The following USP53 variants were observed in gnomAD, a reference collection of about 807,000 sequenced individuals.
USP53 encodes the protein ubiquitin carboxyl-terminal hydrolase 53.
USP53 carries 71 observed loss-of-function variants against 94.9 expected under a neutral mutation model. That is an observed-to-expected ratio of 0.75 (90% CI 0.62 to 0.91). The LOEUF (loss-of-function observed/expected upper bound fraction) is 0.91, where lower values mean the gene tolerates loss of function less well. Among genes scored for constraint, USP53 ranks in the 40% least tolerant of loss-of-function variants. USP53 has a pLI of 0.00. For synonymous variants in USP53, 375 were observed against 422.7 expected (o/e 0.89, Z 1.39); for missense variants, 1,173 against 1,281.0 (o/e 0.92, Z 1.29).
intron 3 of USP53, among the ~76,000 whole-genome samples, chr4:119,232,926 T>C (rs1746254832): frequency 6.6e-6 from 1 of 152,166 alleles, no homozygotes; most frequent in African/African-American, 2.4e-5. Context: ...AATTTAACTT[T>C]GAATTTGTCT....
chr4:119,293,506 A>G lies in USP53; in HGVS notation c.*295A>G, dbSNP rs1434722158. On this transcript the variant is annotated 3_prime_UTR_variant, in exon 19 of 19. Coordinates refer to ENST00000692078, the MANE Select transcript of USP53 (RefSeq NM_001371395.1). ...TTAGATATTTTAGAAATTCCCTTTG[A>G]ATAGTCTTGGCGTGCCGTGAAAAAT... 1 of 238,112 alleles carries G rather than the reference A, an allele frequency of 4.2e-6. No individual in the cohort carries two copies. Among genetic ancestry groups the G allele is most frequent in the Admixed American group, 5.2e-5 (1 of 19,410 alleles). 14.7% of individuals were successfully genotyped at this position (238,112 alleles called of 1,614,324 possible).
chr4:119,288,874 G>C (rs1029416582), intron 17 of USP53, among the ~76,000 whole-genome samples: 1 of 150,190 alleles, frequency 6.7e-6, no homozygotes, highest in Non-Finnish European at 1.5e-5. Context: ...GGAGGCGGAG[G>C]TTGCAGTGAG....
upstream of USP53, chr4:119,212,668 C>T (rs1223877855): frequency 8.6e-6 from 3 of 349,828 alleles, no homozygotes; most frequent in Non-Finnish European, 1.7e-5. Context: ...ATGCTCCGCT[C>T]ACAGGGTCGG....
At position 119,293,943 on chromosome 4, in the gene USP53, C is replaced by T. The variant is rs982181894; in HGVS notation, c.*732C>T. The T allele has an allele frequency of 1.3e-5, 2 of 152,016 alleles. No individual in the cohort carries two copies. The highest frequency in any genetic ancestry group is 4.8e-5 in the African/African-American group (2 of 41,380). 9.4% of individuals were successfully genotyped at this position (152,016 alleles called of 1,614,324 possible). Reference sequence around the variant, plus strand: ...TTAATTTTGCTCCTAGAATTTTTGTCTTCAGAATATCTAGTTAAGATAAAT... The same window carrying T: ...TTAATTTTGCTCCTAGAATTTTTGTTTTCAGAATATCTAGTTAAGATAAAT... On this transcript the variant is annotated 3_prime_UTR_variant, in exon 19 of 19. Transcript: ENST00000692078.
chr4:119,292,907 T>C lies in USP53; in HGVS notation c.2918T>C (p.Val973Ala). The change falls in exon 19 of 19, where the codon GTG becomes GCG. Residue 973 changes from valine to alanine, a missense_variant. Coordinates refer to ENST00000692078, the MANE Select transcript of USP53 (RefSeq NM_001371395.1). Reference sequence around the variant, plus strand: ...ACAGCTTCAGAACCAAGTTTAGAAGTGAGTACACATATGAATGATGAAAGA... The same window carrying C: ...ACAGCTTCAGAACCAAGTTTAGAAGCGAGTACACATATGAATGATGAAAGA... ...LSTASEPSLE[V>A]STHMNDERHK... 1 of 1,613,984 alleles carries C rather than the reference T, an allele frequency of 6.2e-7. No homozygotes were observed.
Position 119,241,522 on chromosome 4 carries a change from C to T in USP53, c.144+1619C>T, listed in dbSNP as rs993705840. On this transcript the variant is annotated intron_variant, in intron 5 of 18. Transcript: ENST00000692078. ...TGGTCCAAGTTGACATTTTTTCTTTCAGTACTTTAAAGATTTTGCTTCTCT... is the reference window on the plus strand; with the variant it reads ...TGGTCCAAGTTGACATTTTTTCTTTTAGTACTTTAAAGATTTTGCTTCTCT... 8.2e-5 allele frequency among the ~76,000 whole-genome samples: 9 copies of T among 109,316 alleles called. No homozygotes were observed. The Admixed American group carries it at 8.5e-4, about 10-fold the overall frequency. 71.7% of individuals were successfully genotyped at this position (109,316 alleles called of 152,430 possible).
chr4:119,291,170 AG>A lies in USP53; in HGVS notation c.2258del (p.Arg753LysfsTer24). 1.7e-6 allele frequency: 1 copy of A among 577,094 alleles called. No individual in the cohort carries two copies. The highest frequency in any genetic ancestry group is 2.7e-6 in the Non-Finnish European group (1 of 377,330). 35.7% of individuals were successfully genotyped at this position (577,094 alleles called of 1,614,324 possible). A position where few individuals can be genotyped will look rare whatever the true frequency, so the allele number is the denominator to read the frequency against. On this transcript the variant is annotated frameshift_variant, in exon 18 of 19. Transcript: ENST00000692078. LOFTEE classifies it high-confidence loss of function. ...LQSQHHLEGF[R>X]KELRNLEAGY... ...CCCACCCCACCCAACCCTAGGCTTTAGAAAAGAACTCAGGAATTTGGAAGCA... is the reference window on the plus strand; with the variant it reads ...CCCACCCCACCCAACCCTAGGCTTTAAAAAGAACTCAGGAATTTGGAAGCA...
chr4:119,244,641 G>A (rs188200582), intron 5 of USP53, among the ~76,000 whole-genome samples: 1 of 152,234 alleles, frequency 6.6e-6, no homozygotes, highest in East Asian at 1.9e-4. Flanking sequence ...TAGAATTCAG[G>A]TTTTTCAGAA....
At chr4:119,291,999 C>G (rs1754815189) in intron 18 of USP53, among the ~76,000 whole-genome samples, 1 of 152,094 alleles carries the variant, frequency 6.6e-6, no homozygotes. Flanking sequence ...ACTGTTAACA[C>G]TTTCCTCAAG....
At chr4:119,213,030 T>C (rs1442329767) in intron 1 of USP53, 157 bp downstream of exon 1, 1 of 154,218 alleles carries the variant, frequency 6.5e-6, no homozygotes, top group Admixed American at 6.3e-5. Context: ...ACACACACTC[T>C]CTTTGCTGGG....
At chr4:119,266,181 C>A in intron 12 of USP53, 1 of 435,770 alleles carries the variant, frequency 2.3e-6, no homozygotes, top group Non-Finnish European at 4.6e-6. Context: ...AAGATTCATT[C>A]ATGTTGTTTG....
intron 17 of USP53, among the ~76,000 whole-genome samples, chr4:119,279,775 T>C (rs1298770575): frequency 3.3e-5 from 5 of 152,234 alleles, no homozygotes; most frequent in East Asian, 3.9e-4. Flanking sequence ...TAGGACCCTC[T>C]GAGCCAGGTG....
rs767194960 is a variant in USP53, at chr4:119,271,564, T to C, written c.1704T>C (p.Asp568=). 1.2e-5 allele frequency: 20 copies of C among 1,613,476 alleles called. No homozygotes were observed. Among genetic ancestry groups the C allele is most frequent in the African/African-American group, 4.0e-5 (3 of 74,820 alleles). Residue 568 remains aspartate (D), a synonymous_variant, in exon 16 of 19, where the codon GAT becomes GAC. Coordinates refer to ENST00000692078, the MANE Select transcript of USP53 (RefSeq NM_001371395.1). ...CAGACAGCAGCCAAGATTCTAGGGA[T>C]AGAGGAAACAGCTGTGATAGCAGCA... is the stretch of plus-strand genomic sequence containing the variant. ...YDTDSSQDSR[D]RGNSCDSSSK... is the part of the protein sequence containing the mutation.
intron 16 of USP53, 41 bp downstream of exon 16, chr4:119,272,075 CT>C (rs771905124): frequency 1.3e-6 from 2 of 1,517,106 alleles, no homozygotes; most frequent in African/African-American, 1.4e-5. Context: ...CATCACTCTT[CT>C]TTTTTGTTAA....
Position 119,293,062 on chromosome 4 carries a change from A to C in USP53, c.3073A>C (p.Ile1025Leu). The change falls in exon 19 of 19, where the codon ATT becomes CTT. Residue 1025 changes from isoleucine to leucine, a missense_variant. Physicochemically the swap from Ile to Leu is conservative, Grantham distance 5. Coordinates refer to ENST00000692078, the MANE Select transcript of USP53 (RefSeq NM_001371395.1). ...DAFCQPELDS[I>L]STCPNETVSL... The stretch of plus-strand genomic sequence containing the variant: ...ATTTTGCCAACCAGAACTAGACTCT[A>C]TTTCTACCTGTCCAAATGAGACAGT... The C allele has an allele frequency of 3.7e-6, 6 of 1,614,076 alleles. No homozygotes were observed. The highest frequency in any genetic ancestry group is 5.1e-6 in the Non-Finnish European group (6 of 1,179,966).
At chr4:119,253,417 T>G (rs955101675) in intron 7 of USP53, among the ~76,000 whole-genome samples, 1 of 152,218 alleles carries the variant, frequency 6.6e-6, no homozygotes, top group African/African-American at 2.4e-5. Context: ...TGGGTGCATG[T>G]ATATTTAGGA....
chr4:119,271,668 G>T lies in USP53; in HGVS notation c.1808G>T (p.Arg603Ile). Residue 603 changes from arginine (R) to isoleucine (I), a missense_variant, in exon 16 of 19, where the codon AGA (arginine) becomes ATA (isoleucine). Physicochemically the swap from Arg to Ile is moderately conservative, Grantham distance 97 (BLOSUM62 -3). Transcript: ENST00000692078. ...AGTATTTTTAGTGAAAGTGAAAAAA[G>T]ACAGCATAGTCCAAGACATAAACCA... ...VDSIFSESEK[R>I]QHSPRHKPNI... 1 of 1,613,952 alleles carries T rather than the reference G, an allele frequency of 6.2e-7. No individual in the cohort carries two copies. The highest frequency in any genetic ancestry group is 1.1e-5 in the South Asian group (1 of 91,014).
At chr4:119,279,999 C>T in intron 17 of USP53, among the ~76,000 whole-genome samples, 1 of 152,204 alleles carries the variant, frequency 6.6e-6, no homozygotes, top group East Asian at 1.9e-4. Context: ...CGCCCACTGT[C>T]TGGTACTCCC....
At chr4:119,265,853 G>T (rs1751065296) in intron 12 of USP53, among the ~76,000 whole-genome samples, 1 of 152,090 alleles carries the variant, frequency 6.6e-6, no homozygotes, top group Non-Finnish European at 1.5e-5. Flanking sequence ...TGTTTGGTTG[G>T]TTTTGTTTTG....
Sources: gnomAD v4.1 joint callset for allele counts (sites outside exome capture counted in the v4.1 genomes callset) on GRCh38, gnomAD v4.1.1 for gene constraint, MANE v1.5 for transcripts, NCBI Gene and HGNC (gene_info 2026-07-23, HGNC 2026-07-21) for gene names.